CNTNAP4: variants seen among roughly 807,000 people sequenced by gnomAD.
CNTNAP4 encodes contactin-associated protein-like 4.
Under a neutral mutation model 148.4 loss-of-function variants are expected in CNTNAP4, and 98 were observed. The ratio of observed to expected loss-of-function variants is 0.66; its 90% CI spans 0.56 to 0.78. CNTNAP4 has a LOEUF of 0.78. Ranked by LOEUF, CNTNAP4 falls within the 30% of genes least tolerant of loss-of-function variation. The pLI is 0.00. For synonymous variants in CNTNAP4, 730 were observed against 565.1 expected, an observed-to-expected ratio of 1.29 and a Z score of -4.14; for missense variants, 1,935 against 1,565.6, an observed-to-expected ratio of 1.24 and a Z score of -3.98.
At chr16:76,321,402 G>C in intron 2 of CNTNAP4, among the ~76,000 whole-genome samples, 1 of 152,162 alleles carries the variant, frequency 6.6e-6, no homozygotes, top group Non-Finnish European at 1.5e-5. Flanking sequence ...TTGCATGTCA[G>C]TGCTTAAGAG....
At chr16:76,376,475 G>C (rs117497723) in intron 3 of CNTNAP4, among the ~76,000 whole-genome samples, 328 of 151,370 alleles carry the variant, frequency 2.2e-3, no homozygotes, top group Non-Finnish European at 4.1e-3. Flanking sequence ...AGTAAAGACA[G>C]GTTTAGACTT....
At chr16:76,420,153 G>T (rs1426493895) in intron 3 of CNTNAP4, among the ~76,000 whole-genome samples, 1 of 76,242 alleles carries the variant, frequency 1.3e-5, no homozygotes, top group Non-Finnish European at 3.7e-5. Context: ...GATGGGTACT[G>T]TGTGTGTGTG....
Position 76,385,811 on chromosome 16 carries a change from A to G in CNTNAP4, c.390+30300A>G, listed in dbSNP as rs140336865. On this transcript the variant is annotated intron_variant, in intron 3 of 23. Coordinates refer to ENST00000611870, the MANE Select transcript of CNTNAP4 (RefSeq NM_033401.5). ...TAATATTGAGCTCATGGCCAACAGCACTATAACTCATGACTGAATGAAGCT... is the reference window on the plus strand; with the variant it reads ...TAATATTGAGCTCATGGCCAACAGCGCTATAACTCATGACTGAATGAAGCT... Among the ~76,000 whole-genome samples, 611 of 152,224 alleles carry G rather than the reference A, an allele frequency of 4.0e-3. 8 individuals carry two copies. Among genetic ancestry groups the G allele is most frequent in the African/African-American group, 0.014 (588 of 41,526 alleles).
intron 1 of CNTNAP4, among the ~76,000 whole-genome samples, chr16:76,296,191 G>A (rs1959277438): frequency 6.6e-6 from 1 of 152,072 alleles, no homozygotes; most frequent in Admixed American, 6.6e-5. Context: ...ATGTATTGTT[G>A]CATTTTAATG....
chr16:76,502,066 C>CT (rs2082671695), intron 15 of CNTNAP4, among the ~76,000 whole-genome samples: 1 of 138,118 alleles, frequency 7.2e-6, no homozygotes, highest in African/African-American at 2.7e-5. Context: ...GAGACTCCGT[C>CT]TCAAAAAAAA....
At chr16:76,438,678 G>A (rs759242716) in intron 4 of CNTNAP4, among the ~76,000 whole-genome samples, 1 of 151,960 alleles carries the variant, frequency 6.6e-6, no homozygotes, top group African/African-American at 2.4e-5. Context: ...CATCCAGCTC[G>A]CCACTGTCTC....
chr16:76,288,382 C>T (rs1958974639), intron 1 of CNTNAP4, among the ~76,000 whole-genome samples: 2 of 152,116 alleles, frequency 1.3e-5, no homozygotes, highest in Non-Finnish European at 2.9e-5. Flanking sequence ...GCTTTTTCTT[C>T]TTCAATCCTG....
At chr16:76,393,448 G>T (rs1415218927) in intron 3 of CNTNAP4, among the ~76,000 whole-genome samples, 1 of 152,312 alleles carries the variant, frequency 6.6e-6, no homozygotes, top group East Asian at 1.9e-4. Flanking sequence ...TATTCATTCA[G>T]TCAGTCTGTA....
intron 3 of CNTNAP4, among the ~76,000 whole-genome samples, chr16:76,375,609 C>G (rs183726214): frequency 7.4e-4 from 112 of 152,290 alleles, no homozygotes; most frequent in African/African-American, 2.6e-3. Context: ...ATTCTCTTCT[C>G]TCCTCCATTG....
At chr16:76,395,505 C>T (rs990080976) in intron 3 of CNTNAP4, among the ~76,000 whole-genome samples, 5 of 151,760 alleles carry the variant, frequency 3.3e-5, no homozygotes, top group Non-Finnish European at 4.4e-5. Flanking sequence ...ACCTTGTGAT[C>T]CACCTGCCTC....
chr16:76,282,440 CTG>C (rs1183717094), intron 1 of CNTNAP4, among the ~76,000 whole-genome samples: 1 of 151,816 alleles, frequency 6.6e-6, no homozygotes, highest in African/African-American at 2.4e-5. Context: ...AAAAATTCTG[CTG>C]TTATTTTACA....
In CNTNAP4 at chr16:76,299,353, A is replaced by C. The variant is rs183749369; in HGVS notation, c.86-17060A>C. On this transcript the variant is annotated intron_variant, in intron 1 of 23. Transcript: ENST00000611870. ...GGCGAAGGATATGAATAGACACTTC[A>C]CAAAAGAAGACATTTATGCAGCCGA... is the stretch of plus-strand genomic sequence containing the variant. 2.7e-3 allele frequency among the ~76,000 whole-genome samples: 405 copies of C among 152,324 alleles called. 7 individuals are homozygous for C. The highest frequency in any genetic ancestry group is 9.2e-3 in the African/African-American group (383 of 41,574).
At chr16:76,385,480 TTATA>T (rs1367066900) in intron 3 of CNTNAP4, among the ~76,000 whole-genome samples, 1 of 152,048 alleles carries the variant, frequency 6.6e-6, no homozygotes, top group East Asian at 1.9e-4. Flanking sequence ...CAAAAATTAT[TTATA>T]TATAGCAATG....
chr16:76,479,478 T>C lies in CNTNAP4; in HGVS notation c.1822T>C (p.Tyr608His). 6.2e-7 allele frequency: 1 copy of C among 1,611,300 alleles called. No homozygotes were observed. Among genetic ancestry groups the C allele is most frequent in the Non-Finnish European group, 8.5e-7 (1 of 1,178,716 alleles). The change falls in exon 12 of 24, where the codon TAT becomes CAT. Residue 608 changes from tyrosine (Y) to histidine (H), a missense_variant. By Grantham distance (83) the Tyr-to-His change is moderately conservative (BLOSUM62 2). Transcript: ENST00000611870. ...KHRGNTSGFY[Y>H]IDSDGSGPLE... ...CAGAGGAAATACTTCAGGGTTTTACTATATAGATTCAGATGGAAGTGGTCC... is the reference window on the plus strand; with the variant it reads ...CAGAGGAAATACTTCAGGGTTTTACCATATAGATTCAGATGGAAGTGGTCC...
rs77064036 is a variant in CNTNAP4, at chr16:76,427,725, G to A, written c.538+126G>A. 1,354 of 891,048 alleles carry A rather than the reference G, an allele frequency of 1.5e-3. 19 individuals are homozygous for A. In the African/African-American group the frequency reaches 0.021, roughly 14 times the overall value. 55.2% of individuals were successfully genotyped at this position (891,048 alleles called of 1,614,324 possible). ...TATAAAAAATAGGAATAATTTTTGTGGAAAGCTTTTTTGTGCATGCCTGTA... is the reference window on the plus strand; with the variant it reads ...TATAAAAAATAGGAATAATTTTTGTAGAAAGCTTTTTTGTGCATGCCTGTA... On this transcript the variant is annotated intron_variant, in intron 4 of 23. Transcript: ENST00000611870.
At chr16:76,331,806 C>T (rs1474480851) in intron 2 of CNTNAP4, among the ~76,000 whole-genome samples, 1 of 152,172 alleles carries the variant, frequency 6.6e-6, no homozygotes. Context: ...TATGTAGTTT[C>T]CATACAGTGT....
intron 1 of CNTNAP4, among the ~76,000 whole-genome samples, chr16:76,289,860 C>A (rs542729833): frequency 1.3e-5 from 2 of 152,124 alleles, no homozygotes; most frequent in Non-Finnish European, 2.9e-5. Context: ...CATGAACCAC[C>A]GCACCTGTCC....
chr16:76,314,613 G>A (rs1961502409), intron 1 of CNTNAP4, among the ~76,000 whole-genome samples: 1 of 152,108 alleles, frequency 6.6e-6, no homozygotes, highest in Non-Finnish European at 1.5e-5. Flanking sequence ...CAAATTATTG[G>A]GACATCAGGA....
At chr16:76,453,872 A>C (rs2080617757) in intron 8 of CNTNAP4, among the ~76,000 whole-genome samples, 1 of 152,140 alleles carries the variant, frequency 6.6e-6, no homozygotes, top group Admixed American at 6.6e-5. Context: ...AGTGTTCAAA[A>C]TGTGGTAGAT....
Sources: allele counts gnomAD v4.1 joint callset (sites outside exome capture counted in the v4.1 genomes callset), GRCh38; gene constraint gnomAD v4.1.1; transcripts MANE v1.5; gene names NCBI Gene and HGNC (gene_info 2026-07-23, HGNC 2026-07-21).